Variants in MCRIP2 observed in about 807,000 individuals in gnomAD.
MCRIP2 encodes the protein MAPK regulated corepressor interacting protein 2, also known as MAPK regulated co-repressor interacting protein 2.
Under a neutral mutation model 23.2 loss-of-function variants are expected in MCRIP2, and 21 were observed. The ratio of observed to expected loss-of-function variants is 0.90; its 90% confidence interval spans 0.64 to 1.30. The LOEUF is 1.30. Ranked by LOEUF, MCRIP2 falls within the 50% of genes most tolerant of loss-of-function variation. The probability of loss-of-function intolerance (pLI) is 0.00; values close to 1 mark genes in which losing one functional copy is unlikely to be tolerated. For synonymous variants in MCRIP2, 121 were observed against 100.2 expected (o/e 1.21, Z -1.24); for missense variants, 234 against 223.2 (o/e 1.05, Z -0.31).
At chr16:642,540 C>T (rs1289886502) in intron 2 of MCRIP2, 2 of 182,712 alleles carry the variant, frequency 1.1e-5, no homozygotes. Flanking sequence ...CTTCGGGCGA[C>T]CTTGGGTTGC....
At chr16:647,927 C>A (rs1337399179) in intron 4 of MCRIP2, 43 bp downstream of exon 4, 2 of 1,313,250 alleles carry the variant, frequency 1.5e-6, no homozygotes, top group Non-Finnish European at 2.1e-6. Flanking sequence ...ACCCCCCAGC[C>A]CCTCTGATCC....
At chr16:645,971 A>G (rs2037470346) in intron 2 of MCRIP2, 1 of 152,200 alleles carries the variant, frequency 6.6e-6, no homozygotes, top group South Asian at 2.1e-4. Context: ...GATGCACTCC[A>G]CAGCCTTCAC....
Position 647,782 on chromosome 16 carries a change from G to A in MCRIP2, c.311-1G>A. On this transcript the variant is annotated splice_acceptor_variant, in intron 3 of 4. Transcript: ENST00000307650. LOFTEE classifies it high-confidence loss of function. Reference sequence around the variant, plus strand: ...TCAGCCCGACTGCCCTCCTCCCACAGCCTGGCAGCAGGTGCAACAGCAGCT... The same window carrying A: ...TCAGCCCGACTGCCCTCCTCCCACAACCTGGCAGCAGGTGCAACAGCAGCT... 1 of 1,561,200 alleles carries A rather than the reference G, an allele frequency of 6.4e-7. No individual in the cohort carries two copies. Among genetic ancestry groups the A allele is most frequent in the African/African-American group, 1.4e-5 (1 of 73,774 alleles).
intron 4 of MCRIP2, 105 bp downstream of exon 4, chr16:647,989 T>C (rs999314795): frequency 1.7e-6 from 2 of 1,179,524 alleles, no homozygotes; most frequent in Non-Finnish European, 2.4e-6. Flanking sequence ...AGGGGACTCT[T>C]GTGCAGAAAC....
Position 647,435 on chromosome 16 carries a change from G to A in MCRIP2, c.201G>A (p.Val67=), listed in dbSNP as rs952007774. The part of the protein sequence containing the change: ...WPLSSPGPRL[V]FNRVNGRRAP... ...CCTGCAGTCCAGGGCCAAGGCTTGT[G>A]TTCAATCGTGTGAATGGCCGGCGGG... Residue 67 remains valine, a synonymous_variant, in exon 3 of 5, where the codon GTG becomes GTA. Coordinates refer to ENST00000307650, the MANE Select transcript of MCRIP2 (RefSeq NM_138418.4). 6.2e-7 allele frequency: 1 copy of A among 1,613,536 alleles called. No individual in the cohort carries two copies. The highest frequency in any genetic ancestry group is 1.6e-4 in the Middle Eastern group (1 of 6,062).
In MCRIP2 at chr16:647,525, T is replaced by C. The variant is rs924824802; in HGVS notation, c.291T>C (p.Asn97=). Residue 97 remains asparagine (N), a synonymous_variant, in exon 3 of 5, where the codon AAT becomes AAC. Coordinates refer to ENST00000307650, the MANE Select transcript of MCRIP2 (RefSeq NM_138418.4). ...QETYTVAHEE[N]VRFVSEAWQQ... ...CCTACACAGTGGCCCACGAGGAGAA[T>C]GTCCGCTTTGTGTCCGAAGGTAGCG... is the stretch of plus-strand genomic sequence containing the variant. The C allele has an allele frequency of 3.1e-6, 5 of 1,613,352 alleles. No homozygotes were observed. Among genetic ancestry groups the C allele is most frequent in the African/African-American group, 1.3e-5 (1 of 75,036 alleles).
chr16:642,152 G>A lies in MCRIP2; in HGVS notation c.85G>A (p.Gly29Ser). ...GCAGCAGCAGGTGGAGGGCCGGCTC[G>A]GCGAGCTCCTGAAATGCCGGCAGCC... Reference protein sequence around the residue: ...PTQQQVEGRLGELLKCRQPAP... With the variant: ...PTQQQVEGRLSELLKCRQPAP... The change falls in exon 2 of 5, where the codon GGC becomes AGC. Residue 29 changes from glycine (G) to serine (S), a missense_variant. Gly to Ser is a moderately conservative substitution (Grantham distance 56). Coordinates refer to ENST00000307650, the MANE Select transcript of MCRIP2 (RefSeq NM_138418.4). The A allele has an allele frequency of 7.3e-7, 1 of 1,362,904 alleles. No homozygotes were observed. Among genetic ancestry groups the A allele is most frequent in the South Asian group, 1.6e-5 (1 of 61,302 alleles). The allele number at this position is 1,362,904 out of a possible 1,614,324, so 84.4% of individuals were successfully genotyped here.
At position 647,842 on chromosome 16, in the gene MCRIP2, C is replaced by A. The variant is rs770783166; in HGVS notation, c.370C>A (p.Pro124Thr). The A allele has an allele frequency of 6.3e-6, 10 of 1,577,050 alleles. No individual in the cohort carries two copies. Among genetic ancestry groups the A allele is most frequent in the Non-Finnish European group, 7.7e-6 (9 of 1,162,110 alleles). The change falls in exon 4 of 5, where the codon CCT becomes ACT. Residue 124 changes from proline to threonine, a missense_variant. By Grantham distance (38) the Pro-to-Thr change is conservative (BLOSUM62 -1). Transcript: ENST00000307650. Reference sequence around the variant, plus strand: ...CCCAGCCGGTGAGGGCGGGCCAAGGCCTGTGCAGTACGTGGAGAGGACCCC... The same window carrying A: ...CCCAGCCGGTGAGGGCGGGCCAAGGACTGTGCAGTACGTGGAGAGGACCCC... ...GGPAGEGGPR[P>T]VQYVERTPNP... is the part of the protein sequence containing the mutation.
chr16:648,053 A>G, intron 4 of MCRIP2, 67 bp from the exon 5 acceptor site: 3 of 1,474,502 alleles, frequency 2.0e-6, no homozygotes, highest in Non-Finnish European at 2.8e-6. Context: ...GCTTGTGGTT[A>G]GCTCCAGGGG....
Position 641,880 on chromosome 16 carries a change from G to C in MCRIP2, c.-112G>C. 1.0e-6 allele frequency: 1 copy of C among 978,696 alleles called. No individual in the cohort carries two copies. The highest frequency in any genetic ancestry group is 1.3e-6 in the Non-Finnish European group (1 of 757,442). The allele number at this position is 978,696 out of a possible 1,614,324, so 60.6% of individuals were successfully genotyped here. Reference sequence around the variant, plus strand: ...CGTGCGGGCCCTTTAAGGGCCGGGGGCGTGTAGCGGGCCCGCCCCCTCCCC... The same window carrying C: ...CGTGCGGGCCCTTTAAGGGCCGGGGCCGTGTAGCGGGCCCGCCCCCTCCCC... On this transcript the variant is annotated 5_prime_UTR_variant, in exon 1 of 5. Coordinates refer to ENST00000307650, the MANE Select transcript of MCRIP2 (RefSeq NM_138418.4).
Position 641,834 on chromosome 16 carries a change from T to A in MCRIP2, c.-158T>A, listed in dbSNP as rs2037342118. 1 of 597,008 alleles carries A rather than the reference T, an allele frequency of 1.7e-6. No homozygotes were observed. The highest frequency in any genetic ancestry group is 8.6e-5 in the South Asian group (1 of 11,672). 37.0% of individuals were successfully genotyped at this position (597,008 alleles called of 1,614,324 possible). ...GGGCGCAAGCGCCGCCTCCGCCGCG[T>A]GTCCGGGGTCAGCCCGAGCCCGTGC... On this transcript the variant is annotated 5_prime_UTR_variant, in exon 1 of 5. Transcript: ENST00000307650.
chr16:647,036 G>T, intron 2 of MCRIP2: 1 of 261,448 alleles, frequency 3.8e-6, no homozygotes. Flanking sequence ...CATGGACTGG[G>T]TCGTGGCTCA....
rs775093617 is a variant in MCRIP2, at chr16:647,516, CGAG to C, written c.286_288del (p.Glu96del). The C allele has an allele frequency of 1.9e-4, 303 of 1,613,242 alleles. 1 individual carries two copies. Among genetic ancestry groups the C allele is most frequent in the Non-Finnish European group, 2.5e-4 (298 of 1,179,966 alleles). ...CCCAGGAGACCTACACAGTGGCCCA[CGAG>C]GAGAATGTCCGCTTTGTGTCCGAAG... is the stretch of plus-strand genomic sequence containing the variant. On this transcript the variant is annotated inframe_deletion, in exon 3 of 5. Coordinates refer to ENST00000307650, the MANE Select transcript of MCRIP2 (RefSeq NM_138418.4).
chr16:643,619 A>G (rs1233664978), intron 2 of MCRIP2, among the ~76,000 whole-genome samples: 1 of 141,278 alleles, frequency 7.1e-6, no homozygotes, highest in Non-Finnish European at 1.5e-5. Flanking sequence ...ATCTCAGCTC[A>G]CTGCAACCTC....
Position 646,851 on chromosome 16 carries a change from A to G in MCRIP2, c.183-566A>G, listed in dbSNP as rs2037495370. The G allele has an allele frequency of 1.3e-5, 2 of 156,104 alleles. No homozygotes were observed. The highest frequency in any genetic ancestry group is 3.9e-4 in the South Asian group (2 of 5,170). The allele number at this position is 156,104 out of a possible 1,614,324, so 9.7% of individuals were successfully genotyped here. On this transcript the variant is annotated intron_variant, in intron 2 of 4. Coordinates refer to ENST00000307650, the MANE Select transcript of MCRIP2 (RefSeq NM_138418.4). This position sits in a 1 kb window ranked among gnomAD's most constrained non-coding sequence, Gnocchi z 6.5. ...TCAGGGACTGCCCATCCCGGCACCC[A>G]GTCCTCATCCCATGGGACGTGGGGG... is the stretch of plus-strand genomic sequence containing the variant.
At chr16:644,442 CATTTA>C (rs1293307062) in intron 2 of MCRIP2, among the ~76,000 whole-genome samples, 1 of 152,050 alleles carries the variant, frequency 6.6e-6, no homozygotes, top group African/African-American at 2.4e-5. Flanking sequence ...TTTTTTACTT[CATTTA>C]ATTTTTTTCT....
chr16:644,152 G>A (rs923437176), intron 2 of MCRIP2, among the ~76,000 whole-genome samples: 12 of 152,094 alleles, frequency 7.9e-5, no homozygotes, highest in South Asian at 2.1e-4. Context: ...CAGGATCTCC[G>A]CTCACCGCAA....
chr16:642,957 C>G (rs1055318198), intron 2 of MCRIP2: 2 of 152,570 alleles, frequency 1.3e-5, no homozygotes, highest in African/African-American at 4.8e-5. Context: ...CAAGCCGGCC[C>G]GAAGGCTCCT....
chr16:642,218 G>C lies in MCRIP2; in HGVS notation c.151G>C (p.Ala51Pro). The C allele has an allele frequency of 7.9e-7, 1 of 1,266,034 alleles. No individual in the cohort carries two copies. The highest frequency in any genetic ancestry group is 9.9e-7 in the Non-Finnish European group (1 of 1,006,270). The allele number at this position is 1,266,034 out of a possible 1,614,324, so 78.4% of individuals were successfully genotyped here. A position where few individuals can be genotyped will look rare whatever the true frequency, so the allele number is the denominator to read the frequency against. ...GCAGCCCCCGCGGGCGCAGCCCTTT[G>C]CGCAGCCGCCGGGACCCTGGCCCCT... ...TSQPPRAQPF[A>P]QPPGPWPLSS... is the part of the protein sequence containing the mutation. Residue 51 changes from alanine (A) to proline (P), a missense_variant, in exon 2 of 5, where the codon GCG becomes CCG. Physicochemically the swap from Ala to Pro is conservative, Grantham distance 27. Coordinates refer to ENST00000307650, the MANE Select transcript of MCRIP2 (RefSeq NM_138418.4).
Sources: allele counts gnomAD v4.1 joint callset (sites outside exome capture counted in the v4.1 genomes callset), GRCh38; gene constraint gnomAD v4.1.1; non-coding constraint Gnocchi (gnomAD v3.1); transcripts MANE v1.5; gene names NCBI Gene and HGNC (gene_info 2026-07-23, HGNC 2026-07-21).